The following POLQ variants were observed in gnomAD, a reference collection of about 807,000 sequenced individuals.
POLQ encodes the protein epididymis secretory sperm binding protein.
In POLQ, 233 loss-of-function variants were observed where a neutral mutation model predicts 259.2. The observed-to-expected ratio is 0.90, with a 90% CI of 0.81 to 1.00. POLQ has a LOEUF of 1.00. Ranked by LOEUF, POLQ falls within the 50% of genes least tolerant of loss-of-function variation. The pLI, the probability that POLQ is intolerant of heterozygous loss-of-function variation, is 0.00. For missense variants in POLQ, 2,871 were observed against 3,051.6 expected, an observed-to-expected ratio of 0.94 and a Z score of 1.39; for synonymous variants, 1,025 against 1,048.8, an observed-to-expected ratio of 0.98 and a Z score of 0.44.
chr3:121,544,544 A>G (rs982008562), intron 2 of POLQ, among the ~76,000 whole-genome samples, 183 bp downstream of exon 2: 1 of 152,034 alleles, frequency 6.6e-6, no homozygotes, highest in African/African-American at 2.4e-5. Flanking sequence ...CACCCCAGTC[A>G]AACAATAAAA....
intron 25 of POLQ, among the ~76,000 whole-genome samples, chr3:121,455,323 C>A (rs1263061008): frequency 1.4e-5 from 2 of 142,826 alleles, no homozygotes; most frequent in South Asian, 2.4e-4. Flanking sequence ...ATTAAAAGAA[C>A]TAGAAAAGCA....
chr3:121,518,668 C>T (rs1275244832), intron 9 of POLQ, among the ~76,000 whole-genome samples: 1 of 152,168 alleles, frequency 6.6e-6, no homozygotes, highest in Non-Finnish European at 1.5e-5. Context: ...CCAGCTTCCT[C>T]TGCCCAGAAT....
intron 12 of POLQ, among the ~76,000 whole-genome samples, chr3:121,500,093 C>A (rs1157248337): frequency 3.3e-5 from 5 of 151,958 alleles, no homozygotes; most frequent in Non-Finnish European, 5.9e-5. Flanking sequence ...TCAGCATGGG[C>A]AACATGGTGA....
intron 18 of POLQ, among the ~76,000 whole-genome samples, chr3:121,482,702 T>G (rs1257489637): frequency 1.3e-5 from 2 of 152,066 alleles, no homozygotes; most frequent in Non-Finnish European, 2.9e-5. Flanking sequence ...TTTCTAATAC[T>G]AGATCAGGCA....
Position 121,489,754 on chromosome 3 carries a change from G to C in POLQ, c.3177C>G (p.Asp1059Glu). The change falls in exon 16 of 30, where the codon GAC becomes GAG. Residue 1059 changes from aspartate to glutamate, a missense_variant. Physicochemically the swap from Asp to Glu is conservative, Grantham distance 45 (BLOSUM62 2). Transcript: ENST00000264233. ...KRSRDSSPLK[D>E]SGACRIHLQG... Reference sequence around the variant, plus strand: ...GTAAATGGATTCTACACGCTCCAGAGTCTTTCAGGGGGCTGCTGTCCCTAG... The same window carrying C: ...GTAAATGGATTCTACACGCTCCAGACTCTTTCAGGGGGCTGCTGTCCCTAG... The C allele has an allele frequency of 6.2e-7, 1 of 1,612,100 alleles. No individual in the cohort carries two copies. The highest frequency in any genetic ancestry group is 8.5e-7 in the Non-Finnish European group (1 of 1,179,724).
chr3:121,525,079 C>T (rs1362976882), intron 7 of POLQ, among the ~76,000 whole-genome samples: 3 of 152,154 alleles, frequency 2.0e-5, no homozygotes, highest in African/African-American at 7.2e-5. Flanking sequence ...TGGTGTCTCA[C>T]AACTGTAATC....
intron 19 of POLQ, among the ~76,000 whole-genome samples, chr3:121,479,201 A>AT (rs2047951492): frequency 6.6e-6 from 1 of 152,160 alleles, no homozygotes; most frequent in Non-Finnish European, 1.5e-5. Flanking sequence ...AGAAATCTAA[A>AT]AATATCTAGC....
rs749006632 is a variant in POLQ at position 121,498,601 on chromosome 3, G to A, written c.2029C>T (p.Pro677Ser). 5.6e-6 allele frequency: 9 copies of A among 1,613,792 alleles called. No individual in the cohort carries two copies. In the South Asian group the frequency reaches 8.8e-5, roughly 16 times the overall value. The change falls in exon 13 of 30, where the codon CCA becomes TCA. Residue 677 changes from proline (P) to serine (S), a missense_variant. Pro to Ser is a moderately conservative substitution (Grantham distance 74). This residue lies in a region of POLQ where 783 missense variants were observed against 906.2 expected (regional missense o/e 0.86). Transcript: ENST00000264233. ...YRFFCLWEKL[P>S]TSMKRVAELV... ...TCTGCCACCCTTTTCATTGAAGTTG[G>A]CAACTTCTCCCATAAACAGAAAAAT...
intron 4 of POLQ, among the ~76,000 whole-genome samples, chr3:121,538,047 C>G (rs1295335616): frequency 3.9e-5 from 6 of 152,134 alleles, no homozygotes. Flanking sequence ...CCTCTCATTA[C>G]TCTTCTAAAT....
At chr3:121,536,933 C>A (rs2048455523) in intron 5 of POLQ, among the ~76,000 whole-genome samples, 167 bp downstream of exon 5, 1 of 152,138 alleles carries the variant, frequency 6.6e-6, no homozygotes, top group Non-Finnish European at 1.5e-5. Context: ...TGTCAGCCAC[C>A]ATGCCTGGAC....
At chr3:121,520,863 T>C (rs111968222) in intron 8 of POLQ, among the ~76,000 whole-genome samples, 6 of 152,318 alleles carry the variant, frequency 3.9e-5, no homozygotes, top group African/African-American at 1.4e-4. Context: ...ATGCATCACA[T>C]TGGTCAGATA....
At chr3:121,508,453 G>A (rs1365540123) in intron 12 of POLQ, among the ~76,000 whole-genome samples, 1 of 152,208 alleles carries the variant, frequency 6.6e-6, no homozygotes, top group African/African-American at 2.4e-5. Flanking sequence ...GGAATCGTAA[G>A]AGAGGTTAAA....
At chr3:121,545,048 A>G in intron 1 of POLQ, 142 bp from the exon 2 acceptor site, 1 of 570,902 alleles carries the variant, frequency 1.8e-6, no homozygotes, top group East Asian at 2.9e-5. Flanking sequence ...ATCTTATGAG[A>G]AATTGACCAT....
At chr3:121,523,402 TA>T (rs1211470902) in intron 7 of POLQ, among the ~76,000 whole-genome samples, 1 of 152,154 alleles carries the variant, frequency 6.6e-6, no homozygotes, top group Non-Finnish European at 1.5e-5. Flanking sequence ...TTTGAACTTG[TA>T]AAACTTTTCA....
At chr3:121,475,688 AG>A (rs1315963035) in intron 20 of POLQ, among the ~76,000 whole-genome samples, 12 of 152,200 alleles carry the variant, frequency 7.9e-5, no homozygotes, top group African/African-American at 2.7e-4. Context: ...ACTACCTTCC[AG>A]GTAACTGCCA....
Position 121,519,915 on chromosome 3 carries a change from TTA to T in POLQ, c.1422_1423del (p.Tyr474Ter). On this transcript the variant is annotated stop_gained and frameshift_variant, in exon 9 of 30. Coordinates refer to ENST00000264233, the MANE Select transcript of POLQ (RefSeq NM_199420.4). LOFTEE classifies it high-confidence loss of function. ...CCTGCCAGCACGGCCAACCATCTGC[TTA>T]TAAGTAAGAATATCTAGAGGTCGAC... 6.2e-7 allele frequency: 1 copy of T among 1,610,424 alleles called. No homozygotes were observed. Among genetic ancestry groups the T allele is most frequent in the Non-Finnish European group, 8.5e-7 (1 of 1,176,742 alleles).
rs757829459 is a variant in POLQ, at chr3:121,485,024, A to G, written c.5773+17T>C. 3.5e-5 allele frequency: 56 copies of G among 1,593,010 alleles called. No individual in the cohort carries two copies. In the Middle Eastern group the frequency reaches 1.0e-3, roughly 29 times the overall value. On this transcript the variant is annotated intron_variant, in intron 17 of 29. Transcript: ENST00000264233. ...ACAGTAATTACATAGTGACTTAGCC[A>G]AATACTCATTACTTACCAGAATGCT...
intron 4 of POLQ, among the ~76,000 whole-genome samples, chr3:121,538,384 A>G (rs1341570524): frequency 6.6e-6 from 1 of 152,078 alleles, no homozygotes; most frequent in Admixed American, 6.6e-5. Context: ...AAACATTTTC[A>G]TAACAACATA....
In POLQ at chr3:121,488,941, T is replaced by C; in HGVS notation, c.3990A>G (p.Lys1330=). Residue 1330 remains lysine, a synonymous_variant, in exon 16 of 30, where the codon AAA becomes AAG. Coordinates refer to ENST00000264233, the MANE Select transcript of POLQ (RefSeq NM_199420.4). ...DSFYLDTQSE[K]IIQQMATENA... ...TTTCAGTTGCCATCTGTTGTATTAT[T>C]TTCTCTGACTGAGTATCCAGATAGA... 2 of 1,614,180 alleles carry C rather than the reference T, an allele frequency of 1.2e-6. No homozygotes were observed. The highest frequency in any genetic ancestry group is 1.7e-6 in the Non-Finnish European group (2 of 1,179,994).
Sources: allele counts gnomAD v4.1 joint callset (sites outside exome capture counted in the v4.1 genomes callset), GRCh38; gene constraint gnomAD v4.1.1; regional missense constraint gnomAD v4.1.1; transcripts MANE v1.5; gene names NCBI Gene and HGNC (gene_info 2026-07-23, HGNC 2026-07-21).